POU6F2: variants seen among roughly 807,000 people sequenced by gnomAD.
POU6F2 encodes the protein POU class 6 homeobox 2.
In POU6F2, 31 loss-of-function variants were observed where a neutral mutation model predicts 71.3. That is an observed-to-expected ratio of 0.43 (90% CI 0.33 to 0.59). The LOEUF (loss-of-function observed/expected upper bound fraction) is 0.59, where lower values mean the gene tolerates loss of function less well. Among genes scored for constraint, POU6F2 ranks in the 20% least tolerant of loss-of-function variants. POU6F2 has a pLI of 0.04. For synonymous variants in POU6F2, 347 were observed against 355.7 expected (o/e 0.98, Z 0.27); for missense variants, 783 against 856.8 (o/e 0.91, Z 1.07).
chr7:39,349,789 G>A (rs1487478810), intron 5 of POU6F2, among the ~76,000 whole-genome samples: 3 of 152,150 alleles, frequency 2.0e-5, no homozygotes, highest in African/African-American at 7.2e-5. Flanking sequence ...GTCTTCCACT[G>A]TTGAGAACTA....
chr7:39,319,803 G>A (rs1785348025), intron 4 of POU6F2, among the ~76,000 whole-genome samples: 1 of 152,200 alleles, frequency 6.6e-6, no homozygotes, highest in Admixed American at 6.5e-5. Flanking sequence ...ATGAAATGAA[G>A]GGGAAAGAGT....
At chr7:39,203,689 G>A (rs762016270) in intron 2 of POU6F2, among the ~76,000 whole-genome samples, 2 of 152,212 alleles carry the variant, frequency 1.3e-5, no homozygotes, top group African/African-American at 2.4e-5. Context: ...TAGCACCTGG[G>A]ACACTTGCTT....
At chr7:39,360,824 A>G (rs1291485304) in intron 5 of POU6F2, among the ~76,000 whole-genome samples, 1 of 152,172 alleles carries the variant, frequency 6.6e-6, no homozygotes, top group East Asian at 1.9e-4. Context: ...TTGCTATGGC[A>G]TTTGTAAACT....
chr7:39,137,033 A>T (rs974967981), intron 2 of POU6F2, among the ~76,000 whole-genome samples: 1 of 142,766 alleles, frequency 7.0e-6, no homozygotes, highest in South Asian at 2.3e-4. Context: ...AAAAAAAAAA[A>T]GAGTGGAGAT....
chr7:39,462,694 T>C (rs550337163), intron 9 of POU6F2, among the ~76,000 whole-genome samples: 1 of 152,324 alleles, frequency 6.6e-6, no homozygotes, highest in African/African-American at 2.4e-5. Context: ...AAAGGACAAG[T>C]TCATTAAATA....
At chr7:39,336,836 T>C (rs182058251) in intron 4 of POU6F2, among the ~76,000 whole-genome samples, 16 of 152,358 alleles carry the variant, frequency 1.1e-4, no homozygotes, top group African/African-American at 3.1e-4. Context: ...TATGGTCTTA[T>C]ATTTTGGCAT....
intron 2 of POU6F2, among the ~76,000 whole-genome samples, chr7:39,136,322 G>C (rs1277308776): frequency 1.3e-5 from 2 of 152,170 alleles, no homozygotes; most frequent in African/African-American, 4.8e-5. Flanking sequence ...TACCCTACCA[G>C]ATACCAAAAT....
At chr7:39,283,244 T>A (rs565315511) in intron 4 of POU6F2, among the ~76,000 whole-genome samples, 2 of 152,286 alleles carry the variant, frequency 1.3e-5, no homozygotes, top group South Asian at 4.1e-4. Context: ...ATTTAACTTC[T>A]TCCTTTCCAA....
At chr7:39,030,266 A>G (rs1358534677) in intron 1 of POU6F2, among the ~76,000 whole-genome samples, 1 of 151,338 alleles carries the variant, frequency 6.6e-6, no homozygotes, top group African/African-American at 2.4e-5. Context: ...TTTCTAGGAA[A>G]TTGCCCATTT....
At chr7:39,105,405 C>G (rs1371915697) in intron 2 of POU6F2, among the ~76,000 whole-genome samples, 1 of 149,434 alleles carries the variant, frequency 6.7e-6, no homozygotes, top group Non-Finnish European at 1.5e-5. Flanking sequence ...TAAATAAGTT[C>G]TATGTTTTAG....
intron 2 of POU6F2, among the ~76,000 whole-genome samples, chr7:39,105,409 G>A (rs1405515680): frequency 6.7e-6 from 1 of 148,972 alleles, no homozygotes; most frequent in Non-Finnish European, 1.5e-5. Context: ...TAAGTTCTAT[G>A]TTTTAGAATT....
intron 4 of POU6F2, among the ~76,000 whole-genome samples, chr7:39,293,255 A>G (rs539219975): frequency 1.3e-5 from 2 of 152,274 alleles, no homozygotes; most frequent in East Asian, 3.9e-4. Flanking sequence ...CCAGAATTAC[A>G]AGGCTGACAA....
intron 1 of POU6F2, among the ~76,000 whole-genome samples, chr7:39,001,032 A>G (rs1788890508): frequency 6.6e-6 from 1 of 152,210 alleles, no homozygotes; most frequent in South Asian, 2.1e-4. Flanking sequence ...GATAAATTTA[A>G]TGGTGGAAAT....
intron 1 of POU6F2, among the ~76,000 whole-genome samples, chr7:38,996,636 T>C (rs1435191803): frequency 6.6e-6 from 1 of 152,222 alleles, no homozygotes; most frequent in Non-Finnish European, 1.5e-5. Flanking sequence ...GCATCTTTCC[T>C]ACAAATCCAC....
intron 5 of POU6F2, among the ~76,000 whole-genome samples, chr7:39,352,274 T>C (rs1028663882): frequency 5.9e-5 from 9 of 152,204 alleles, no homozygotes; most frequent in South Asian, 2.1e-4. Context: ...GAGGGTCTTA[T>C]GATAATTTGT....
At chr7:39,309,101 A>C (rs543598356) in intron 4 of POU6F2, among the ~76,000 whole-genome samples, 20 of 152,348 alleles carry the variant, frequency 1.3e-4, no homozygotes, top group Admixed American at 2.6e-4. Flanking sequence ...CATGTAGATA[A>C]AAATAAGGCA....
chr7:39,129,593 A>G (rs1792213054), intron 2 of POU6F2, among the ~76,000 whole-genome samples: 1 of 151,472 alleles, frequency 6.6e-6, no homozygotes, highest in African/African-American at 2.4e-5. Context: ...ATTTTTTTTC[A>G]TGTGTCCAGG....
At chr7:39,199,046 G>T in intron 2 of POU6F2, among the ~76,000 whole-genome samples, 1 of 152,188 alleles carries the variant, frequency 6.6e-6, no homozygotes, top group South Asian at 2.1e-4. Context: ...GGATCTCTGT[G>T]ACCTTCATGT....
intron 2 of POU6F2, among the ~76,000 whole-genome samples, chr7:39,186,871 T>G (rs2128742563): frequency 6.6e-6 from 1 of 152,296 alleles, no homozygotes; most frequent in South Asian, 2.1e-4. Flanking sequence ...TGACAATGCT[T>G]GAGGCTAATG....
Sources: gnomAD v4.1 joint callset for allele counts (sites outside exome capture counted in the v4.1 genomes callset) on GRCh38, gnomAD v4.1.1 for gene constraint, MANE v1.5 for transcripts, NCBI Gene and HGNC (gene_info 2026-07-23, HGNC 2026-07-21) for gene names.